Variants in BLTP1 observed in about 807,000 individuals in gnomAD.
BLTP1 encodes fragile site-associated protein.
At chr4:122,360,533 C>T in the BLTP1 span, among the ~76,000 whole-genome samples, 1 of 152,056 alleles carries the variant, frequency 6.6e-6, no homozygotes, top group Admixed American at 6.6e-5. Flanking sequence ...AAATGATATA[C>T]ATTTTATTTA....
the BLTP1 span, among the ~76,000 whole-genome samples, chr4:122,330,064 T>C: frequency 3.2e-3 from 489 of 151,926 alleles, 2 homozygotes; most frequent in Middle Eastern, 6.8e-3. Flanking sequence ...ATTTCCGTCT[T>C]TTTTTTAAGG....
chr4:122,304,784 A>G, the BLTP1 span: 2 of 1,611,894 alleles, frequency 1.2e-6, no homozygotes, highest in Non-Finnish European at 1.7e-6. Flanking sequence ...TCCTCCTAAC[A>G]TATAATCTGC....
At chr4:122,292,727 T>A in the BLTP1 span, 1 of 397,524 alleles carries the variant, frequency 2.5e-6, no homozygotes, top group Non-Finnish European at 3.4e-6. Flanking sequence ...TGAGAATAAC[T>A]AGAGAAACAA....
the BLTP1 span, chr4:122,153,179 T>G: frequency 3.8e-6 from 1 of 260,080 alleles, no homozygotes; most frequent in Middle Eastern, 1.9e-3. Context: ...TTTTTTTTTT[T>G]ACCTTCCTGT....
At chr4:122,218,494 C>T in the BLTP1 span, among the ~76,000 whole-genome samples, 2 of 152,092 alleles carry the variant, frequency 1.3e-5, no homozygotes, top group African/African-American at 4.8e-5. Context: ...ACATTATTTC[C>T]TATGAAAAGA....
the BLTP1 span, among the ~76,000 whole-genome samples, chr4:122,203,607 T>C: frequency 1.6e-4 from 25 of 152,002 alleles, no homozygotes; most frequent in East Asian, 9.6e-4. Context: ...TTGATAAGAC[T>C]ATCTGGTAAT....
At chr4:122,266,694 A>G in the BLTP1 span, 5 of 1,213,108 alleles carry the variant, frequency 4.1e-6, no homozygotes, top group Non-Finnish European at 5.6e-6. Flanking sequence ...AGGTAGGGTA[A>G]GAAATAAAAG....
At chr4:122,170,478 G>C in the BLTP1 span, 1 of 1,297,448 alleles carries the variant, frequency 7.7e-7, no homozygotes, top group Non-Finnish European at 9.9e-7. Flanking sequence ...TTGTATTTTT[G>C]CATTCTCATC....
chr4:122,237,572 T>C, the BLTP1 span: 1 of 554,202 alleles, frequency 1.8e-6, no homozygotes. Context: ...TTCTTGAAAG[T>C]TTTCTGTAAG....
chr4:122,268,377 A>G, the BLTP1 span, among the ~76,000 whole-genome samples: 1 of 152,302 alleles, frequency 6.6e-6, no homozygotes, highest in African/African-American at 2.4e-5. Context: ...ACTCCTTTGT[A>G]TGTATGGATC....
chr4:122,328,261 G>A, the BLTP1 span: 62 of 1,610,932 alleles, frequency 3.8e-5, 3 homozygotes, highest in South Asian at 5.7e-4. Context: ...GAGGGCCGAC[G>A]GGATGACAGT....
chr4:122,237,787 G>T, the BLTP1 span, among the ~76,000 whole-genome samples: 1 of 151,828 alleles, frequency 6.6e-6, no homozygotes. Flanking sequence ...GATCAAGACC[G>T]TCCTGGCCAA....
At chr4:122,196,788 T>C in the BLTP1 span, 17 of 1,500,850 alleles carry the variant, frequency 1.1e-5, no homozygotes, top group Admixed American at 3.6e-5. Context: ...TTACCAAAAA[T>C]AGGGTAATTA....
At chr4:122,349,844 T>C in the BLTP1 span, 1 of 1,612,104 alleles carries the variant, frequency 6.2e-7, no homozygotes, top group South Asian at 1.1e-5. This position sits in a 1 kb window ranked among gnomAD's most constrained non-coding sequence, Gnocchi z 4.5. Flanking sequence ...AAAGATTTTG[T>C]TTTATGCTCT....
the BLTP1 span, chr4:122,229,353 AT>A: frequency 2.6e-6 from 2 of 778,964 alleles, no homozygotes; most frequent in East Asian, 3.0e-5. Context: ...CAGCCACAAA[AT>A]TTTAGGAGAA....
At chr4:122,304,441 C>T in the BLTP1 span, among the ~76,000 whole-genome samples, 1 of 152,162 alleles carries the variant, frequency 6.6e-6, no homozygotes, top group Non-Finnish European at 1.5e-5. Flanking sequence ...GACCTCATGA[C>T]CTCAAGTGAT....
At chr4:122,347,921 C>T in the BLTP1 span, 1 of 620,790 alleles carries the variant, frequency 1.6e-6, no homozygotes. Context: ...AAAAAATCCC[C>T]AACACAGTAA....
At chr4:122,342,883 C>T in the BLTP1 span, among the ~76,000 whole-genome samples, 1 of 152,204 alleles carries the variant, frequency 6.6e-6, no homozygotes, top group African/African-American at 2.4e-5. Flanking sequence ...CAAATGGTCT[C>T]ATATTTTTTA....
At chr4:122,209,783 A>G in the BLTP1 span, 1 of 1,606,044 alleles carries the variant, frequency 6.2e-7, no homozygotes, top group Non-Finnish European at 8.5e-7. Flanking sequence ...AGGAATGAGT[A>G]TCTGACTAGA....
Sources: gnomAD v4.1 joint callset for allele counts (sites outside exome capture counted in the v4.1 genomes callset) on GRCh38, gnomAD v4.1.1 for gene constraint, Gnocchi (gnomAD v3.1) non-coding constraint, MANE v1.5 for transcripts, NCBI Gene and HGNC (gene_info 2026-07-23, HGNC 2026-07-21) for gene names.